Variants in RIMS1 observed in about 807,000 individuals in gnomAD.
The protein encoded by RIMS1 is regulating synaptic membrane exocytosis protein 1.
In RIMS1, 83 loss-of-function variants were observed where a neutral mutation model predicts 214.1. The observed-to-expected ratio is 0.39, with a 90% CI of 0.32 to 0.47. The LOEUF is 0.47. Among genes scored for constraint, RIMS1 ranks in the 20% least tolerant of loss-of-function variants. The pLI is 0.99. For synonymous variants in RIMS1, 793 were observed against 786.8 expected, an observed-to-expected ratio of 1.01 and a Z score of -0.13; for missense variants, 2,050 against 2,161.8, an observed-to-expected ratio of 0.95 and a Z score of 1.03.
chr6:72,150,561 G>T (rs1281345644), intron 4 of RIMS1, among the ~76,000 whole-genome samples: 1 of 152,176 alleles, frequency 6.6e-6, no homozygotes, highest in East Asian at 1.9e-4. Context: ...TGACTCCATT[G>T]TCCTCATTAA....
intron 29 of RIMS1, among the ~76,000 whole-genome samples, chr6:72,348,874 G>C (rs569044385): frequency 6.6e-6 from 1 of 151,972 alleles, no homozygotes; most frequent in South Asian, 2.1e-4. Flanking sequence ...AATAATGATT[G>C]ATAAAGATAT....
intron 2 of RIMS1, among the ~76,000 whole-genome samples, chr6:71,998,718 G>T (rs1460929441): frequency 6.6e-6 from 1 of 151,550 alleles, no homozygotes; most frequent in Admixed American, 6.6e-5. Flanking sequence ...ATACTATATT[G>T]TGTTCATCAA....
intron 1 of RIMS1, among the ~76,000 whole-genome samples, chr6:71,944,024 T>C (rs1787013522): frequency 6.6e-6 from 1 of 152,196 alleles, no homozygotes; most frequent in South Asian, 2.1e-4. Flanking sequence ...TTTTACTTAA[T>C]TTTCTTGAAA....
At chr6:72,370,241 A>T (rs2098173421) in intron 29 of RIMS1, among the ~76,000 whole-genome samples, 2 of 152,258 alleles carry the variant, frequency 1.3e-5, no homozygotes, top group East Asian at 3.9e-4. Flanking sequence ...TAGTGGTTTT[A>T]TTGTGAACTT....
chr6:72,243,071 A>G (rs1418667149), intron 10 of RIMS1, among the ~76,000 whole-genome samples: 1 of 151,684 alleles, frequency 6.6e-6, no homozygotes, highest in East Asian at 1.9e-4. Context: ...TTTCTGGCAA[A>G]CCCACATGGT....
At chr6:72,225,384 T>A (rs1019434031) in intron 6 of RIMS1, among the ~76,000 whole-genome samples, 2 of 152,236 alleles carry the variant, frequency 1.3e-5, no homozygotes, top group Non-Finnish European at 2.9e-5. Flanking sequence ...TCTTTACATT[T>A]TTTATTTCCT....
At chr6:71,928,077 C>T (rs982634670) in intron 1 of RIMS1, among the ~76,000 whole-genome samples, 8 of 152,022 alleles carry the variant, frequency 5.3e-5, no homozygotes, top group Non-Finnish European at 1.0e-4. Flanking sequence ...TGTTAGTGTA[C>T]GAATGAAAAG....
chr6:72,070,171 T>C (rs537719940), intron 2 of RIMS1, among the ~76,000 whole-genome samples: 16 of 152,324 alleles, frequency 1.1e-4, no homozygotes, highest in African/African-American at 3.8e-4. Context: ...ATCAGCAAGA[T>C]TGTGTGTAAA....
intron 1 of RIMS1, among the ~76,000 whole-genome samples, chr6:71,940,235 A>G (rs922388250): frequency 1.3e-5 from 2 of 152,208 alleles, no homozygotes; most frequent in Non-Finnish European, 2.9e-5. Flanking sequence ...TTTCACAAGC[A>G]TTACTATAGT....
At chr6:72,129,186 T>C (rs867288653) in intron 4 of RIMS1, among the ~76,000 whole-genome samples, 12 of 152,356 alleles carry the variant, frequency 7.9e-5, no homozygotes, top group Admixed American at 2.0e-4. Context: ...GTGGCAAGTT[T>C]ACATATGGTT....
Position 72,251,001 on chromosome 6 carries a change from T to C in RIMS1, c.2453T>C (p.Val818Ala). Residue 818 changes from valine (V) to alanine (A), a missense_variant, in exon 14 of 34, where the codon GTA becomes GCA. Val to Ala is a moderately conservative substitution (Grantham distance 64). Around this residue, in one of 6 missense-constraint regions of RIMS1, gnomAD observed 889 missense variants for 885.5 expected, o/e 1.00. Coordinates refer to ENST00000521978, the MANE Select transcript of RIMS1 (RefSeq NM_014989.7). ...AATCAAACTTTTGTCTATTCACATG[T>C]ACATCGTAGAGATTTTAGAGAACGA... ...KWNQTFVYSH[V>A]HRRDFRERML... 1 of 1,565,064 alleles carries C rather than the reference T, an allele frequency of 6.4e-7. No individual in the cohort carries two copies. Among genetic ancestry groups the C allele is most frequent in the Non-Finnish European group, 8.7e-7 (1 of 1,153,722 alleles).
intron 2 of RIMS1, among the ~76,000 whole-genome samples, chr6:72,053,581 T>C (rs1380698450): frequency 6.6e-6 from 1 of 152,138 alleles, no homozygotes; most frequent in Non-Finnish European, 1.5e-5. Context: ...TCATGGACTA[T>C]ACACATAAAG....
intron 28 of RIMS1, among the ~76,000 whole-genome samples, chr6:72,317,631 C>T (rs1341416337): frequency 1.3e-5 from 2 of 151,928 alleles, no homozygotes; most frequent in Non-Finnish European, 2.9e-5. Flanking sequence ...TTCAAATGCC[C>T]CTTATTTCAC....
intron 28 of RIMS1, among the ~76,000 whole-genome samples, chr6:72,322,342 T>A (rs1451404784): frequency 6.6e-6 from 1 of 152,134 alleles, no homozygotes; most frequent in Non-Finnish European, 1.5e-5. Flanking sequence ...TATATAGGAA[T>A]CAATGTGGCA....
intron 1 of RIMS1, among the ~76,000 whole-genome samples, chr6:71,915,418 T>C (rs1319943803): frequency 6.6e-6 from 1 of 152,188 alleles, no homozygotes; most frequent in Non-Finnish European, 1.5e-5. Flanking sequence ...TCATGGAATG[T>C]GTTTGCTCTG....
At chr6:72,279,819 A>T (rs987653109) in intron 23 of RIMS1, among the ~76,000 whole-genome samples, 42 of 152,024 alleles carry the variant, frequency 2.8e-4, no homozygotes, top group Admixed American at 2.4e-3. Flanking sequence ...TTTGTGGACT[A>T]AGTTTCCTCA....
intron 1 of RIMS1, among the ~76,000 whole-genome samples, chr6:71,949,956 A>T (rs1185497499): frequency 1.3e-5 from 2 of 152,196 alleles, no homozygotes; most frequent in African/African-American, 2.4e-5. Flanking sequence ...AGCTAGACAC[A>T]ATAAAATGGC....
intron 2 of RIMS1, among the ~76,000 whole-genome samples, chr6:72,063,718 T>G (rs897050338): frequency 1.3e-5 from 2 of 152,238 alleles, no homozygotes; most frequent in Non-Finnish European, 2.9e-5. Context: ...ATGTGGTTCT[T>G]AATGATGTGG....
intron 16 of RIMS1, among the ~76,000 whole-genome samples, chr6:72,256,893 A>G (rs75237141): frequency 0.064 from 9,659 of 152,092 alleles, 473 homozygotes; most frequent in Non-Finnish European, 0.093. Flanking sequence ...ATTATAAATT[A>G]TACCATTTAT....
Sources: allele counts gnomAD v4.1 joint callset (sites outside exome capture counted in the v4.1 genomes callset), GRCh38; gene constraint gnomAD v4.1.1; regional missense constraint gnomAD v4.1.1; transcripts MANE v1.5; gene names NCBI Gene and HGNC (gene_info 2026-07-23, HGNC 2026-07-21).